The following NCEH1 variants were observed in gnomAD, a reference collection of about 807,000 sequenced individuals.
NCEH1 encodes the protein neutral cholesterol ester hydrolase 1.
A neutral mutation model predicts 25.4 loss-of-function variants in NCEH1; 9 were observed. The observed-to-expected ratio is 0.35, with a 90% CI of 0.21 to 0.62. NCEH1 has a LOEUF of 0.62. NCEH1 is among the 20% of genes least tolerant of loss of function. The pLI, the probability that NCEH1 is intolerant of heterozygous loss-of-function variation, is 0.72. For synonymous variants in NCEH1, 200 were observed against 199.8 expected (o/e 1.00, Z -0.01); for missense variants, 412 against 501.1 (o/e 0.82, Z 1.70).
intron 1 of NCEH1, among the ~76,000 whole-genome samples, chr3:172,656,699 G>C (rs1385769572): frequency 1.3e-5 from 2 of 152,142 alleles, no homozygotes; most frequent in Admixed American, 6.5e-5. Context: ...CCGGGAGGCA[G>C]AGACTTGCAG....
intron 1 of NCEH1, among the ~76,000 whole-genome samples, chr3:172,678,330 G>A (rs1232414139): frequency 6.6e-6 from 1 of 152,198 alleles, no homozygotes; most frequent in African/African-American, 2.4e-5. Flanking sequence ...TCCTTGGCCT[G>A]AGGCATTACA....
intron 1 of NCEH1, among the ~76,000 whole-genome samples, chr3:172,700,284 C>T (rs1713608236): frequency 6.6e-6 from 1 of 151,942 alleles, no homozygotes; most frequent in Non-Finnish European, 1.5e-5. Context: ...TTCCAGAATC[C>T]CCAGTATACT....
intron 1 of NCEH1, among the ~76,000 whole-genome samples, chr3:172,673,558 T>A (rs904546578): frequency 2.0e-5 from 3 of 152,260 alleles, no homozygotes; most frequent in Non-Finnish European, 4.4e-5. Flanking sequence ...GGCATTTTCT[T>A]AACACTAATA....
At chr3:172,701,844 T>C (rs1713712922) in intron 1 of NCEH1, among the ~76,000 whole-genome samples, 2 of 152,100 alleles carry the variant, frequency 1.3e-5, no homozygotes, top group African/African-American at 4.8e-5. Flanking sequence ...GCATGTGACT[T>C]CTCTGCTAGA....
intron 1 of NCEH1, among the ~76,000 whole-genome samples, chr3:172,706,236 C>T (rs541328593): frequency 5.9e-5 from 9 of 151,982 alleles, no homozygotes; most frequent in African/African-American, 1.2e-4. Flanking sequence ...TACACCAATA[C>T]GAAAACTGAA....
At chr3:172,661,331 A>G (rs1717961811) in intron 1 of NCEH1, among the ~76,000 whole-genome samples, 1 of 152,154 alleles carries the variant, frequency 6.6e-6, no homozygotes, top group African/African-American at 2.4e-5. Flanking sequence ...CCATTGGTCT[A>G]TATCTCCCTT....
intron 1 of NCEH1, among the ~76,000 whole-genome samples, chr3:172,666,824 T>C (rs1718230007): frequency 6.6e-6 from 1 of 152,190 alleles, no homozygotes; most frequent in Non-Finnish European, 1.5e-5. Flanking sequence ...TGTGTGGGAA[T>C]TTTTACAGCC....
intron 1 of NCEH1, among the ~76,000 whole-genome samples, chr3:172,678,942 C>T (rs1251962272): frequency 6.6e-6 from 1 of 152,214 alleles, no homozygotes; most frequent in African/African-American, 2.4e-5. Flanking sequence ...AAAGGGTACA[C>T]TTGCCAGAAG....
Position 172,634,070 on chromosome 3 carries a change from T to G in NCEH1, c.632A>C (p.Lys211Thr). 1 of 1,613,474 alleles carries G rather than the reference T, an allele frequency of 6.2e-7. No homozygotes were observed. The highest frequency in any genetic ancestry group is 8.5e-7 in the Non-Finnish European group (1 of 1,179,790). The change falls in exon 5 of 5, where the codon AAA becomes ACA. Residue 211 changes from lysine to threonine, a missense_variant. Physicochemically the swap from Lys to Thr is moderately conservative, Grantham distance 78 (BLOSUM62 -1). This residue lies in a region of NCEH1 where 210 missense variants were observed against 258.2 expected (regional missense o/e 0.81). Coordinates refer to ENST00000475381, the MANE Select transcript of NCEH1 (RefSeq NM_020792.6). ...TAAAGCTTGTAGTTTGAGCTTATTT[T>G]TTAGGCTGGCATCTTGAGTAAACTA... ...GQQFTQDASL[K>T]NKLKLQALIY...
At chr3:172,660,806 C>T (rs559983378) in intron 1 of NCEH1, among the ~76,000 whole-genome samples, 10 of 152,316 alleles carry the variant, frequency 6.6e-5, no homozygotes, top group African/African-American at 2.2e-4. Context: ...ATCCTTCACC[C>T]ACTTTTTGAT....
intron 1 of NCEH1, among the ~76,000 whole-genome samples, chr3:172,699,168 G>C (rs1346546423): frequency 6.6e-6 from 1 of 152,126 alleles, no homozygotes; most frequent in East Asian, 1.9e-4. Flanking sequence ...TCTCAAAAGA[G>C]ATGATTTCTG....
chr3:172,696,577 G>A (rs1200872410), intron 1 of NCEH1, among the ~76,000 whole-genome samples: 1 of 152,146 alleles, frequency 6.6e-6, no homozygotes, highest in Non-Finnish European at 1.5e-5. Context: ...TCACTTGCTA[G>A]ATCAGTAAAC....
intron 4 of NCEH1, 88 bp downstream of exon 4, chr3:172,635,828 T>G (rs1490731144): frequency 7.8e-7 from 1 of 1,275,882 alleles, no homozygotes; most frequent in Non-Finnish European, 1.1e-6. Context: ...CAGCTATGCA[T>G]TTGCCACACA....
intron 1 of NCEH1, among the ~76,000 whole-genome samples, chr3:172,672,873 C>T (rs1711722691): frequency 6.6e-6 from 1 of 152,174 alleles, no homozygotes; most frequent in African/African-American, 2.4e-5. Context: ...CCTGTCCATC[C>T]AGTGGCAAAA....
intron 2 of NCEH1, 171 bp downstream of exon 2, chr3:172,647,715 A>T: frequency 2.5e-6 from 2 of 789,288 alleles, no homozygotes; most frequent in Admixed American, 2.8e-5. Flanking sequence ...TTTGAGAGTG[A>T]AAAGGGGGCA....
chr3:172,694,834 A>G (rs2108531897), intron 1 of NCEH1, among the ~76,000 whole-genome samples: 1 of 152,186 alleles, frequency 6.6e-6, no homozygotes, highest in South Asian at 2.1e-4. Flanking sequence ...CAGCTCTAAC[A>G]CTATTCTTCA....
chr3:172,674,710 A>T (rs10936727), intron 1 of NCEH1, among the ~76,000 whole-genome samples: 26,333 of 152,098 alleles, frequency 0.17, 2,481 homozygotes, highest in Middle Eastern at 0.23. Context: ...TCTTGTGGAA[A>T]TTGTTACAGT....
At chr3:172,673,099 CCTCT>C (rs908656931) in intron 1 of NCEH1, among the ~76,000 whole-genome samples, 3 of 152,184 alleles carry the variant, frequency 2.0e-5, no homozygotes, top group Non-Finnish European at 4.4e-5. Context: ...TCTCTTTTCT[CCTCT>C]CTAAGCCAGG....
chr3:172,698,538 G>A (rs1246591626), intron 1 of NCEH1, among the ~76,000 whole-genome samples: 2 of 152,130 alleles, frequency 1.3e-5, no homozygotes, highest in African/African-American at 4.8e-5. Flanking sequence ...AACATTATGG[G>A]ACAGGCAGCT....
Sources: allele counts gnomAD v4.1 joint callset (sites outside exome capture counted in the v4.1 genomes callset), GRCh38; gene constraint gnomAD v4.1.1; regional missense constraint gnomAD v4.1.1; transcripts MANE v1.5; gene names NCBI Gene and HGNC (gene_info 2026-07-23, HGNC 2026-07-21).